The following CLBA1 variants were observed in gnomAD, a reference collection of about 807,000 sequenced individuals.
CLBA1 encodes the protein clathrin binding box of aftiphilin containing 1.
In CLBA1, 30 loss-of-function variants were observed where a neutral mutation model predicts 28.8. That is an observed-to-expected ratio of 1.04 (90% CI 0.78 to 1.41). The LOEUF (loss-of-function observed/expected upper bound fraction) is 1.41, where lower values mean the gene tolerates loss of function less well. Among genes scored for constraint, CLBA1 ranks in the 40% most tolerant of loss-of-function variants. The pLI is 0.00. For synonymous variants in CLBA1, 160 were observed against 152.8 expected (o/e 1.05, Z -0.35); for missense variants, 451 against 412.3 (o/e 1.09, Z -0.81).
intron 4 of CLBA1, chr14:104,993,611 G>A (rs1900096516): frequency 1.0e-6 from 1 of 985,446 alleles, no homozygotes; most frequent in Non-Finnish European, 1.2e-6. Context: ...GCAGAGAAGG[G>A]GACTTCTTCT....
At chr14:105,000,155 A>C (rs1210804075), downstream of CLBA1, among the ~76,000 whole-genome samples, 1 of 152,236 alleles carries the variant, frequency 6.6e-6, no homozygotes, top group Non-Finnish European at 1.5e-5. Flanking sequence ...AAATATTTGG[A>C]AACCATATGT....
chr14:104,988,538 A>G (rs1007172308), intron 1 of CLBA1, among the ~76,000 whole-genome samples: 5 of 151,954 alleles, frequency 3.3e-5, no homozygotes, highest in African/African-American at 1.2e-4. Flanking sequence ...TGGGGGTTTC[A>G]CCATGTTGGC....
chr14:104,997,426 A>C (rs912990443), downstream of CLBA1, among the ~76,000 whole-genome samples: 27 of 152,224 alleles, frequency 1.8e-4, no homozygotes, highest in African/African-American at 6.3e-4. Context: ...ACAGGAGAGA[A>C]TAAAGAAGAA....
intron 4 of CLBA1, chr14:104,993,710 G>C (rs1465618564): frequency 7.1e-6 from 7 of 985,328 alleles, no homozygotes; most frequent in Non-Finnish European, 8.4e-6. Flanking sequence ...CAGGAGGGGT[G>C]AGATGGCCAG....
chr14:104,995,419 C>A lies in CLBA1; in HGVS notation c.*660C>A, dbSNP rs1900139898. The A allele has an allele frequency of 1.1e-5, 11 of 985,418 alleles. No individual in the cohort carries two copies. Among genetic ancestry groups the A allele is most frequent in the Non-Finnish European group, 1.3e-5 (11 of 829,934 alleles). 61.0% of individuals were successfully genotyped at this position (985,418 alleles called of 1,614,324 possible). A position where few individuals can be genotyped will look rare whatever the true frequency, so the allele number is the denominator to read the frequency against. On this transcript the variant is annotated 3_prime_UTR_variant, in exon 5 of 5. Transcript: ENST00000547315. ...CCTCTGGTGGGCCCGTGGCTTCCCC[C>A]AGTTATCTGCTAAGGAAAACTGTGC... is the stretch of plus-strand genomic sequence containing the variant.
rs138458643 is a variant in CLBA1 at position 104,991,047 on chromosome 14, C to T, written c.570-444C>T. On this transcript the variant is annotated intron_variant, in intron 2 of 4. Transcript: ENST00000547315. Reference sequence around the variant, plus strand: ...TGTTTTTTTGTTTGTTTGTTTGAGACAGAGTCTCACTCTGTCCCCCAGGCT... The same window carrying T: ...TGTTTTTTTGTTTGTTTGTTTGAGATAGAGTCTCACTCTGTCCCCCAGGCT... 7.3e-3 allele frequency: 1,198 copies of T among 162,996 alleles called. 14 individuals carry two copies. The highest frequency in any genetic ancestry group is 0.027 in the African/African-American group (1,142 of 41,608). 10.1% of individuals were successfully genotyped at this position (162,996 alleles called of 1,614,324 possible).
At chr14:104,989,157 T>C in intron 2 of CLBA1, 69 bp downstream of exon 2, 1 of 1,523,162 alleles carries the variant, frequency 6.6e-7, no homozygotes, top group Non-Finnish European at 9.0e-7. Context: ...AGTAGGTGTG[T>C]GAGGCTTTGT....
rs1321604649 is a variant in CLBA1 at position 104,986,412 on chromosome 14, GCTGGC to G, written c.-15_-11del. 15 of 1,608,194 alleles carry G rather than the reference GCTGGC, an allele frequency of 9.3e-6. No homozygotes were observed. The highest frequency in any genetic ancestry group is 1.3e-5 in the Non-Finnish European group (15 of 1,178,524). On this transcript the variant is annotated 5_prime_UTR_variant, in exon 1 of 5. Transcript: ENST00000547315. ...CTGAGCAGCTGCCCATCGGGCCTCT[GCTGGC>G]CTGGGGGCTCCAAGATGCAAGGCCG... is the stretch of plus-strand genomic sequence containing the variant.
rs1042633132 is a variant in CLBA1, at chr14:104,988,823, A to G, written c.424-120A>G. Reference sequence around the variant, plus strand: ...AGGAATGAATATGTCAAGTGATAGTAACACTAATGGTATGATCAATTACAA... The same window carrying G: ...AGGAATGAATATGTCAAGTGATAGTGACACTAATGGTATGATCAATTACAA... On this transcript the variant is annotated intron_variant, in intron 1 of 4. Coordinates refer to ENST00000547315, the MANE Select transcript of CLBA1 (RefSeq NM_174891.4). 2.5e-5 allele frequency: 26 copies of G among 1,040,668 alleles called. No individual in the cohort carries two copies. The South Asian group carries it at 3.1e-4, about 12-fold the overall frequency. The allele number at this position is 1,040,668 out of a possible 1,614,324, so 64.5% of individuals were successfully genotyped here. A position where few individuals can be genotyped will look rare whatever the true frequency, so the allele number is the denominator to read the frequency against.
At position 104,994,571 on chromosome 14, in the gene CLBA1, C is replaced by T. The variant is rs760280958; in HGVS notation, c.817-27C>T. 41 of 1,585,700 alleles carry T rather than the reference C, an allele frequency of 2.6e-5. No homozygotes were observed. In the South Asian group the frequency reaches 3.0e-4, roughly 12 times the overall value. Reference sequence around the variant, plus strand: ...CGCTTCTCATTGCCCGGGGTGCGCGCGCCTGACTGCTGTCCTCTCATCTCA... The same window carrying T: ...CGCTTCTCATTGCCCGGGGTGCGCGTGCCTGACTGCTGTCCTCTCATCTCA... On this transcript the variant is annotated intron_variant, in intron 4 of 4. Transcript: ENST00000547315.
At chr14:104,992,569 C>T (rs1260006854) in intron 3 of CLBA1, among the ~76,000 whole-genome samples, 1 of 152,202 alleles carries the variant, frequency 6.6e-6, no homozygotes, top group Admixed American at 6.5e-5. Flanking sequence ...CAGTGAGATT[C>T]GCCCTGACTG....
rs774530790 is a variant in CLBA1 at position 104,986,451 on chromosome 14, T to TG, written c.26dup (p.Glu10ArgfsTer5). The TG allele has an allele frequency of 6.2e-7, 1 of 1,612,486 alleles. No homozygotes were observed. Among genetic ancestry groups the TG allele is most frequent in the African/African-American group, 1.3e-5 (1 of 74,874 alleles). Reference sequence around the variant, plus strand: ...TCCAAGATGCAAGGCCGGCGGGAGCTGGGGGGAGAGCCTTTGAGTGACCTC... The same window carrying TG: ...TCCAAGATGCAAGGCCGGCGGGAGCTGGGGGGGAGAGCCTTTGAGTGACCTC... On this transcript the variant is annotated frameshift_variant, in exon 1 of 5. Coordinates refer to ENST00000547315, the MANE Select transcript of CLBA1 (RefSeq NM_174891.4). LOFTEE classifies it high-confidence loss of function.
At chr14:104,992,823 C>G in intron 3 of CLBA1, 125 bp from the exon 4 acceptor site, 1 of 837,284 alleles carries the variant, frequency 1.2e-6, no homozygotes, top group Non-Finnish European at 2.1e-6. Context: ...GGTGCGCTGA[C>G]CTTGAGAGGG....
At chr14:104,993,912 G>A (rs999431262) in intron 4 of CLBA1, 3 of 985,336 alleles carry the variant, frequency 3.0e-6, no homozygotes, top group Non-Finnish European at 1.2e-6. Flanking sequence ...ACCTGAGACT[G>A]AGCTGGGACA....
Position 104,995,050 on chromosome 14 carries a change from C to T in CLBA1, c.*291C>T. 15 of 1,065,096 alleles carry T rather than the reference C, an allele frequency of 1.4e-5. No homozygotes were observed. The highest frequency in any genetic ancestry group is 1.7e-5 in the Non-Finnish European group (15 of 881,170). 66.0% of individuals were successfully genotyped at this position (1,065,096 alleles called of 1,614,324 possible). A position where few individuals can be genotyped will look rare whatever the true frequency, so the allele number is the denominator to read the frequency against. On this transcript the variant is annotated 3_prime_UTR_variant, in exon 5 of 5. Coordinates refer to ENST00000547315, the MANE Select transcript of CLBA1 (RefSeq NM_174891.4). ...CTGCCCCATGTGAATGCTGCTGGCA[C>T]CTGGTGGGGGGTTGCCCAGGGATGG...
At chr14:104,993,396 C>T in intron 4 of CLBA1, 3 of 985,416 alleles carry the variant, frequency 3.0e-6, no homozygotes, top group Non-Finnish European at 3.6e-6. Flanking sequence ...AAGGATGAGG[C>T]AGGACCAGGC....
intron 4 of CLBA1, chr14:104,994,130 G>T: frequency 1.0e-6 from 1 of 985,466 alleles, no homozygotes; most frequent in East Asian, 1.1e-4. Context: ...AAGCACCATA[G>T]CACAGGAGGG....
intron 1 of CLBA1, among the ~76,000 whole-genome samples, chr14:104,987,889 G>A (rs7150306): frequency 0.23 from 34,355 of 151,214 alleles, 4,193 homozygotes; most frequent in African/African-American, 0.31. Flanking sequence ...CGCCCGCCTC[G>A]GCCTCTCAAA....
chr14:104,989,740 G>A, intron 2 of CLBA1: 1 of 453,628 alleles, frequency 2.2e-6, no homozygotes, highest in Middle Eastern at 3.3e-4. Flanking sequence ...AGGGAGGAGG[G>A]AAGTGAAGGT....
Sources: allele counts gnomAD v4.1 joint callset (sites outside exome capture counted in the v4.1 genomes callset), GRCh38; gene constraint gnomAD v4.1.1; transcripts MANE v1.5; gene names NCBI Gene and HGNC (gene_info 2026-07-23, HGNC 2026-07-21).